Variants in PARVA observed in about 807,000 individuals in gnomAD.
PARVA encodes the protein alpha-parvin.
In PARVA, 25 loss-of-function variants were observed where a neutral mutation model predicts 52.6. The ratio of observed to expected loss-of-function variants is 0.48; its 90% CI spans 0.35 to 0.66. The LOEUF is 0.66. Ranked by LOEUF, PARVA falls within the 30% of genes least tolerant of loss-of-function variation. The pLI is 0.01. For synonymous variants in PARVA, 185 were observed against 179.1 expected, an observed-to-expected ratio of 1.03 and a Z score of -0.26; for missense variants, 373 against 450.9, an observed-to-expected ratio of 0.83 and a Z score of 1.56.
At chr11:12,402,490 A>G (rs1051107004) in intron 1 of PARVA, among the ~76,000 whole-genome samples, 2 of 152,228 alleles carry the variant, frequency 1.3e-5, no homozygotes, top group Admixed American at 6.5e-5. Flanking sequence ...CCCCTTGGTC[A>G]CAAGAAGTTC....
intron 12 of PARVA, 58 bp from the exon 13 acceptor site, chr11:12,527,791 C>A: frequency 7.4e-7 from 1 of 1,343,106 alleles, no homozygotes; most frequent in Non-Finnish European, 1.1e-6. Context: ...GCAGTGTATG[C>A]CAGCTTTGGA....
chr11:12,452,228 A>C (rs1940632622), intron 1 of PARVA, among the ~76,000 whole-genome samples: 1 of 152,110 alleles, frequency 6.6e-6, no homozygotes, highest in Admixed American at 6.5e-5. Context: ...CCAAGCAGCA[A>C]ACCCAAAGGG....
rs995015947 is a variant in PARVA, at chr11:12,533,139, G to A, written c.*5214G>A. Among the ~76,000 whole-genome samples the A allele has an allele frequency of 6.6e-6, 1 of 152,130 alleles. No individual in the cohort carries two copies. The highest frequency in any genetic ancestry group is 1.5e-5 in the Non-Finnish European group (1 of 68,014). On this transcript the variant is annotated 3_prime_UTR_variant, in exon 13 of 13. Transcript: ENST00000334956. ...TGCTGCTGATGGACAGGAACTCCTG[G>A]ACTACCCCCAGCCTCTCCACAATGT...
chr11:12,435,358 A>G (rs1940372562), intron 1 of PARVA, among the ~76,000 whole-genome samples: 1 of 152,180 alleles, frequency 6.6e-6, no homozygotes, highest in South Asian at 2.1e-4. Flanking sequence ...ATTCCAGAAC[A>G]TGGGGAAAAG....
At chr11:12,419,029 G>T in intron 1 of PARVA, among the ~76,000 whole-genome samples, 1 of 152,098 alleles carries the variant, frequency 6.6e-6, no homozygotes, top group Non-Finnish European at 1.5e-5. Flanking sequence ...GTTATTAAGT[G>T]GTTGAATTTA....
intron 1 of PARVA, among the ~76,000 whole-genome samples, chr11:12,430,096 C>T (rs1295526195): frequency 6.6e-6 from 1 of 151,978 alleles, no homozygotes. Flanking sequence ...GAAATCAAAC[C>T]CTGATTTGCA....
intron 4 of PARVA, among the ~76,000 whole-genome samples, chr11:12,496,021 G>A (rs1019949864): frequency 6.6e-6 from 1 of 152,246 alleles, no homozygotes; most frequent in Non-Finnish European, 1.5e-5. Context: ...TAAAAGGAAA[G>A]AAGGTACTTA....
chr11:12,393,034 C>G (rs1939682001), intron 1 of PARVA, among the ~76,000 whole-genome samples: 2 of 123,200 alleles, frequency 1.6e-5, no homozygotes, highest in African/African-American at 7.1e-5. Context: ...CAATTTTAAC[C>G]CCAAATTGTG....
intron 12 of PARVA, among the ~76,000 whole-genome samples, chr11:12,525,673 C>T (rs187812135): frequency 1.7e-4 from 26 of 152,250 alleles, no homozygotes; most frequent in Non-Finnish European, 3.4e-4. Context: ...CCTGGCTCAG[C>T]ATTAGCAAGG....
chr11:12,402,960 G>A (rs547690306), intron 1 of PARVA, among the ~76,000 whole-genome samples: 26 of 152,244 alleles, frequency 1.7e-4, no homozygotes, highest in African/African-American at 5.5e-4. Flanking sequence ...TACTTGGCAC[G>A]GCTGAGAATA....
rs1332385297 is a variant in PARVA, at chr11:12,528,833, G to A, written c.*908G>A. ...ATTCCTTCAGATTTATAATAACTCT[G>A]TACTTTGGTTTCAGGGTGACATTTG... is the stretch of plus-strand genomic sequence containing the variant. On this transcript the variant is annotated 3_prime_UTR_variant, in exon 13 of 13. Coordinates refer to ENST00000334956, the MANE Select transcript of PARVA (RefSeq NM_018222.5). 1 of 152,618 alleles carries A rather than the reference G, an allele frequency of 6.6e-6. No homozygotes were observed. The highest frequency in any genetic ancestry group is 2.4e-5 in the African/African-American group (1 of 41,456). The allele number at this position is 152,618 out of a possible 1,614,324, so 9.5% of individuals were successfully genotyped here.
At chr11:12,457,298 T>C (rs1307622902) in intron 1 of PARVA, among the ~76,000 whole-genome samples, 1 of 152,172 alleles carries the variant, frequency 6.6e-6, no homozygotes, top group African/African-American at 2.4e-5. Flanking sequence ...GAATTGTTGG[T>C]TTAGGAAAAA....
chr11:12,391,450 T>A (rs896438486), intron 1 of PARVA, among the ~76,000 whole-genome samples: 2 of 152,228 alleles, frequency 1.3e-5, no homozygotes, highest in African/African-American at 4.8e-5. Flanking sequence ...TCAGTATTAC[T>A]GGTTCTGGGA....
intron 1 of PARVA, among the ~76,000 whole-genome samples, chr11:12,387,254 TG>T (rs1373739036): frequency 6.6e-6 from 1 of 152,222 alleles, no homozygotes; most frequent in African/African-American, 2.4e-5. Context: ...ATGAGGGCTT[TG>T]CCTGAGGACC....
intron 4 of PARVA, among the ~76,000 whole-genome samples, chr11:12,493,305 G>A (rs1941255744): frequency 6.7e-6 from 1 of 150,304 alleles, no homozygotes; most frequent in Non-Finnish European, 1.5e-5. Flanking sequence ...GCAGTAAGCT[G>A]AGATTGTGCC....
At chr11:12,486,612 G>A (rs1364160605) in intron 4 of PARVA, among the ~76,000 whole-genome samples, 3 of 152,128 alleles carry the variant, frequency 2.0e-5, no homozygotes, top group African/African-American at 4.8e-5. Flanking sequence ...TTAGGAGGCC[G>A]AGGCAGGCAG....
At chr11:12,406,909 A>C (rs1939920917) in intron 1 of PARVA, among the ~76,000 whole-genome samples, 1 of 151,958 alleles carries the variant, frequency 6.6e-6, no homozygotes, top group Admixed American at 6.6e-5. Context: ...TGACCTCATG[A>C]TCCACCTGCC....
intron 4 of PARVA, among the ~76,000 whole-genome samples, chr11:12,482,487 G>A (rs1197400734): frequency 5.3e-5 from 8 of 151,892 alleles, no homozygotes; most frequent in East Asian, 3.9e-4. Flanking sequence ...TTAGCCAGGC[G>A]TGGTGGTGGG....
chr11:12,397,503 G>C (rs968002997), intron 1 of PARVA, among the ~76,000 whole-genome samples: 17 of 152,216 alleles, frequency 1.1e-4, no homozygotes, highest in Non-Finnish European at 2.4e-4. Context: ...TTTGGATTTT[G>C]CTGGATTTTA....
Sources: allele counts gnomAD v4.1 joint callset (sites outside exome capture counted in the v4.1 genomes callset), GRCh38; gene constraint gnomAD v4.1.1; transcripts MANE v1.5; gene names NCBI Gene and HGNC (gene_info 2026-07-23, HGNC 2026-07-21).